Variants in ATM observed in about 807,000 individuals in gnomAD.
The protein encoded by ATM is ATM serine/threonine kinase.
ATM carries 308 observed loss-of-function variants against 387.0 expected under a neutral mutation model. The ratio of observed to expected loss-of-function variants is 0.80; its 90% CI spans 0.73 to 0.87. The LOEUF (loss-of-function observed/expected upper bound fraction) is 0.87. Ranked by LOEUF, ATM falls within the 40% of genes least tolerant of loss-of-function variation. The pLI, the probability that ATM is intolerant of heterozygous loss-of-function variation, is 0.00. For missense variants in ATM, 3,312 were observed against 3,560.9 expected, an observed-to-expected ratio of 0.93 and a Z score of 1.78; for synonymous variants, 1,156 against 1,187.3, an observed-to-expected ratio of 0.97 and a Z score of 0.54.
At position 108,365,343 on chromosome 11, in the gene ATM, C is replaced by T. The variant is rs540172506; in HGVS notation, c.9006C>T (p.Phe3002=). 213 of 1,614,162 alleles carry T rather than the reference C, an allele frequency of 1.3e-4. 2 individuals carry two copies. In the South Asian group the frequency reaches 2.0e-3, roughly 15 times the overall value. The change falls in exon 63 of 63, where the codon TTC becomes TTT. Residue 3002 remains phenylalanine, a synonymous_variant. Coordinates refer to ENST00000675843, the MANE Select transcript of ATM (RefSeq NM_000051.4). ...KRNLSDIDQS[F]NKVAERVLMR... is the part of the protein sequence containing the mutation. Reference sequence around the variant, plus strand: ...TCCTTAGTGATATTGACCAGAGTTTCAACAAAGTAGCTGAACGTGTCTTAA... The same window carrying T: ...TCCTTAGTGATATTGACCAGAGTTTTAACAAAGTAGCTGAACGTGTCTTAA...
intron 4 of ATM, chr11:108,229,784 T>C (rs960528895): frequency 1.3e-5 from 2 of 157,948 alleles, no homozygotes; most frequent in African/African-American, 4.8e-5. Context: ...TGTTCCTAAG[T>C]GATCCTCCTG....
chr11:108,335,185 T>C, intron 55 of ATM, 76 bp downstream of exon 55: 1 of 1,604,482 alleles, frequency 6.2e-7, no homozygotes, highest in Non-Finnish European at 8.5e-7. Context: ...TCTTTCTGCT[T>C]TATTTGGGAT....
chr11:108,356,365 G>A lies in ATM; in HGVS notation c.8850+1491G>A, dbSNP rs190711723. Among the ~76,000 whole-genome samples, 11 of 152,022 alleles carry A rather than the reference G, an allele frequency of 7.2e-5. No homozygotes were observed. In the East Asian group the frequency reaches 9.7e-4, roughly 13 times the overall value. On this transcript the variant is annotated intron_variant, in intron 61 of 62. Transcript: ENST00000675843. ...AGTTTGGCCAACATGGTGAAACCCCGTCTCTAATAAAAATGCAAAAATTAG... is the reference window on the plus strand; with the variant it reads ...AGTTTGGCCAACATGGTGAAACCCCATCTCTAATAAAAATGCAAAAATTAG...
At chr11:108,254,759 C>A (rs890390931) in intron 13 of ATM, among the ~76,000 whole-genome samples, 1 of 152,154 alleles carries the variant, frequency 6.6e-6, no homozygotes, top group Non-Finnish European at 1.5e-5. Context: ...TCAAGCAATT[C>A]TCCTGCCTCA....
intron 16 of ATM, among the ~76,000 whole-genome samples, chr11:108,266,765 A>G (rs1391730574): frequency 6.6e-6 from 1 of 151,750 alleles, no homozygotes; most frequent in Non-Finnish European, 1.5e-5. Context: ...TTACACATGA[A>G]CCTTGAATTG....
intron 7 of ATM, among the ~76,000 whole-genome samples, chr11:108,245,718 C>T (rs2079814321): frequency 6.6e-6 from 1 of 151,934 alleles, no homozygotes; most frequent in South Asian, 2.1e-4. Flanking sequence ...TGGGCTTATA[C>T]TAGCCTTTGG....
chr11:108,324,156 A>C (rs890354370), intron 45 of ATM, among the ~76,000 whole-genome samples: 5 of 152,174 alleles, frequency 3.3e-5, no homozygotes, highest in African/African-American at 1.2e-4. Flanking sequence ...TAACCTGTGC[A>C]CATTCTCCTA....
At chr11:108,321,887 T>C (rs1353129367) in intron 45 of ATM, among the ~76,000 whole-genome samples, 1 of 152,198 alleles carries the variant, frequency 6.6e-6, no homozygotes, top group East Asian at 1.9e-4. Context: ...TTATTAAACA[T>C]TTTCCAAAAT....
At chr11:108,359,522 C>A (rs1423665235) in intron 61 of ATM, among the ~76,000 whole-genome samples, 3 of 152,012 alleles carry the variant, frequency 2.0e-5, no homozygotes, top group Admixed American at 2.0e-4. Context: ...CACACCTATT[C>A]CAAAATTGAC....
intron 9 of ATM, among the ~76,000 whole-genome samples, chr11:108,249,408 G>A (rs1408024035): frequency 5.3e-5 from 8 of 152,182 alleles, no homozygotes; most frequent in South Asian, 2.1e-4. Context: ...TGAATTGTAC[G>A]CTTCAACAAT....
chr11:108,251,120 A>G (rs1184342774), intron 10 of ATM, 48 bp downstream of exon 10: 2 of 1,602,070 alleles, frequency 1.2e-6, no homozygotes, highest in Non-Finnish European at 1.7e-6. Flanking sequence ...ACACACACAG[A>G]CACACACACA....
At position 108,248,955 on chromosome 11, in the gene ATM, C is replaced by T. The variant is rs1555069560; in HGVS notation, c.1088C>T (p.Ser363Phe). The T allele has an allele frequency of 6.2e-7, 1 of 1,610,446 alleles. No individual in the cohort carries two copies. Among genetic ancestry groups the T allele is most frequent in the Non-Finnish European group, 8.5e-7 (1 of 1,177,704 alleles). ...CHQVFNEDTR[S>F]LEISQSYTTT... ...CAGGTTTTTAATGAAGATACCAGAT[C>T]CTTGGAGATTTCTCAATCTTACACT... The change falls in exon 9 of 63, where the codon TCC becomes TTC. Residue 363 changes from serine to phenylalanine, a missense_variant. Around this residue, in one of 4 missense-constraint regions of ATM, gnomAD observed 1,791 missense variants for 1,804.5 expected, o/e 0.99. Coordinates refer to ENST00000675843, the MANE Select transcript of ATM (RefSeq NM_000051.4).
At chr11:108,322,188 T>A (rs540411653) in intron 45 of ATM, among the ~76,000 whole-genome samples, 20 of 152,274 alleles carry the variant, frequency 1.3e-4, no homozygotes, top group Middle Eastern at 3.4e-3. Context: ...CAAGTCTCGC[T>A]CTGTTGCCCA....
At chr11:108,343,184 C>G (rs1328855134) in intron 56 of ATM, 38 bp from the exon 57 acceptor site, 9 of 1,612,810 alleles carry the variant, frequency 5.6e-6, no homozygotes, top group Non-Finnish European at 6.8e-6. Flanking sequence ...TCTTTAATGG[C>G]CTTTTAAAAT....
At chr11:108,305,254 A>G (rs997332159) in intron 37 of ATM, among the ~76,000 whole-genome samples, 1 of 152,214 alleles carries the variant, frequency 6.6e-6, no homozygotes, top group Non-Finnish European at 1.5e-5. Flanking sequence ...TAGAATTTTC[A>G]TATTTTCAGA....
At chr11:108,293,894 A>ATATAT (rs1555101015) in intron 31 of ATM, among the ~76,000 whole-genome samples, 9 of 83,670 alleles carry the variant, frequency 1.1e-4, no homozygotes, top group Admixed American at 3.1e-4. Context: ...AAAAAAAAAA[A>ATATAT]ATATATATAT....
intron 16 of ATM, among the ~76,000 whole-genome samples, chr11:108,261,222 T>G (rs1307835039): frequency 6.6e-6 from 1 of 152,244 alleles, no homozygotes; most frequent in Admixed American, 6.5e-5. Context: ...CTCTGCAGAC[T>G]TAGATGTCCC....
At chr11:108,311,027 G>C (rs1341783055) in intron 39 of ATM, among the ~76,000 whole-genome samples, 1 of 152,182 alleles carries the variant, frequency 6.6e-6, no homozygotes, top group Non-Finnish European at 1.5e-5. Context: ...TGGTGCAGTG[G>C]TGCGATCATA....
In ATM at chr11:108,272,891, C is replaced by G. The variant is rs1267522199; in HGVS notation, c.3284+39C>G. The G allele has an allele frequency of 4.3e-6, 7 of 1,612,660 alleles. No individual in the cohort carries two copies. In the South Asian group the frequency reaches 7.7e-5, roughly 18 times the overall value. ...TATTCATGAAGTATTTGGAATGCTG[C>G]AGATGGCAGTAGAATGTCTTACATA... On this transcript the variant is annotated intron_variant, in intron 22 of 62. Coordinates refer to ENST00000675843, the MANE Select transcript of ATM (RefSeq NM_000051.4).
Sources: gnomAD v4.1 joint callset for allele counts (sites outside exome capture counted in the v4.1 genomes callset) on GRCh38, gnomAD v4.1.1 for gene constraint, gnomAD v4.1.1 regional missense constraint, MANE v1.5 for transcripts, NCBI Gene and HGNC (gene_info 2026-07-23, HGNC 2026-07-21) for gene names.